The following BCAS3 variants were observed in gnomAD, a reference collection of about 807,000 sequenced individuals.
The protein encoded by BCAS3 is BCAS4/BCAS3 fusion.
A neutral mutation model predicts 116.1 loss-of-function variants in BCAS3; 53 were observed. That is an observed-to-expected ratio of 0.46 (90% CI 0.37 to 0.57). The LOEUF is 0.57. Ranked by LOEUF, BCAS3 falls within the 20% of genes least tolerant of loss-of-function variation. The probability of loss-of-function intolerance (pLI) is 0.00; values close to 1 mark genes in which losing one functional copy is unlikely to be tolerated. For missense variants in BCAS3, 917 were observed against 1,165.4 expected, an observed-to-expected ratio of 0.79 and a Z score of 3.10; for synonymous variants, 391 against 408.2, an observed-to-expected ratio of 0.96 and a Z score of 0.51.
At chr17:60,838,459 A>G (rs1304367077) in intron 7 of BCAS3, among the ~76,000 whole-genome samples, 1 of 151,996 alleles carries the variant, frequency 6.6e-6, no homozygotes, top group Admixed American at 6.6e-5. Context: ...GGCTGATCTC[A>G]TATTTCCCCA....
chr17:61,380,537 C>A lies in BCAS3; in HGVS notation c.2594-11440C>A, dbSNP rs1225182999. 1 of 1,597,978 alleles carries A rather than the reference C, an allele frequency of 6.3e-7. No homozygotes were observed. Among genetic ancestry groups the A allele is most frequent in the Non-Finnish European group, 8.5e-7 (1 of 1,179,546 alleles). On this transcript the variant is annotated intron_variant, in intron 23 of 23. Coordinates refer to ENST00000407086, the MANE Select transcript of BCAS3 (RefSeq NM_017679.5). This position sits in a 1 kb window ranked among gnomAD's most constrained non-coding sequence, Gnocchi z 4.2. ...CCCTTGACGTAGCAGTAAAAACCTT[C>A]CCCCCTGAGAGACACGTGGCAGTGA...
chr17:60,936,218 A>G (rs1008672154), intron 13 of BCAS3, among the ~76,000 whole-genome samples: 8 of 150,450 alleles, frequency 5.3e-5, no homozygotes, highest in Non-Finnish European at 8.8e-5. Flanking sequence ...ATAGTATTCC[A>G]TGGTGTATAT....
chr17:60,833,419 G>C (rs1051676844), intron 7 of BCAS3, among the ~76,000 whole-genome samples: 1 of 152,190 alleles, frequency 6.6e-6, no homozygotes, highest in East Asian at 1.9e-4. Flanking sequence ...GCAGAATGCT[G>C]TGAGTTTTCT....
chr17:61,025,053 A>G (rs2066139651), intron 16 of BCAS3, among the ~76,000 whole-genome samples: 1 of 152,074 alleles, frequency 6.6e-6, no homozygotes, highest in African/African-American at 2.4e-5. Flanking sequence ...ATACTATATG[A>G]CAACGAAAAC....
chr17:60,776,235 T>C (rs2045269530), intron 6 of BCAS3, among the ~76,000 whole-genome samples: 1 of 152,228 alleles, frequency 6.6e-6, no homozygotes, highest in Non-Finnish European at 1.5e-5. Context: ...TCTGTGTGTG[T>C]GTGTATAGAT....
chr17:61,259,638 T>C lies in BCAS3; in HGVS notation c.2426-108689T>C. Reference sequence around the variant, plus strand: ...CTGGTTCTCTTTGTTGTTCTTTTTTTCCCCTTCCATCAACCTACTTTCAAG... The same window carrying C: ...CTGGTTCTCTTTGTTGTTCTTTTTTCCCCCTTCCATCAACCTACTTTCAAG... On this transcript the variant is annotated intron_variant, in intron 22 of 23. Transcript: ENST00000407086. This position sits in a 1 kb window ranked among gnomAD's most constrained non-coding sequence, Gnocchi z 4.7. 6.6e-6 allele frequency among the ~76,000 whole-genome samples: 1 copy of C among 152,302 alleles called. No homozygotes were observed. The highest frequency in any genetic ancestry group is 1.9e-4 in the East Asian group (1 of 5,180).
At chr17:60,752,455 A>G (rs1377187974) in intron 6 of BCAS3, among the ~76,000 whole-genome samples, 3 of 149,524 alleles carry the variant, frequency 2.0e-5, no homozygotes, top group Non-Finnish European at 3.0e-5. Context: ...ACAGAGTCTC[A>G]CTCTGTCGCC....
intron 6 of BCAS3, among the ~76,000 whole-genome samples, chr17:60,757,731 G>C (rs548117502): frequency 3.6e-4 from 54 of 152,032 alleles, no homozygotes; most frequent in Non-Finnish European, 6.6e-4. Context: ...TCTGTTAATT[G>C]TTTCCTTTGC....
Position 61,204,912 on chromosome 17 carries a change from C to T in BCAS3, c.2425+120348C>T, listed in dbSNP as rs1468226362. Among the ~76,000 whole-genome samples the T allele has an allele frequency of 6.6e-6, 1 of 151,976 alleles. No homozygotes were observed. The highest frequency in any genetic ancestry group is 1.5e-5 in the Non-Finnish European group (1 of 67,990). ...ACAAAAAATATAGAAATTAGCCTGGCGTGGCGGCACATACCTGTAGTCCCA... is the reference window on the plus strand; with the variant it reads ...ACAAAAAATATAGAAATTAGCCTGGTGTGGCGGCACATACCTGTAGTCCCA... On this transcript the variant is annotated intron_variant, in intron 22 of 23. Transcript: ENST00000407086. This position sits in a 1 kb window ranked among gnomAD's most constrained non-coding sequence, Gnocchi z 4.2.
At chr17:61,148,321 T>G (rs2077357158) in intron 22 of BCAS3, among the ~76,000 whole-genome samples, 1 of 152,238 alleles carries the variant, frequency 6.6e-6, no homozygotes, top group Admixed American at 6.5e-5. Context: ...AATAGTTACC[T>G]TTTATTGAGT....
In BCAS3 at chr17:60,990,245, T is replaced by C. The variant is rs1266414119; in HGVS notation, c.1486+10T>C. 6.2e-7 allele frequency: 1 copy of C among 1,611,350 alleles called. No individual in the cohort carries two copies. Among genetic ancestry groups the C allele is most frequent in the East Asian group, 2.2e-5 (1 of 44,828 alleles). Reference sequence around the variant, plus strand: ...GGGTCACCCTTGCATGGTAATTTTCTCTGTCTCCACTGTTATCTTGAATCT... The same window carrying C: ...GGGTCACCCTTGCATGGTAATTTTCCCTGTCTCCACTGTTATCTTGAATCT... On this transcript the variant is annotated intron_variant, in intron 15 of 23. Transcript: ENST00000407086. The surrounding 1 kb of genome is among the most constrained non-coding windows in gnomAD (Gnocchi z 5.1).
intron 14 of BCAS3, among the ~76,000 whole-genome samples, chr17:60,972,630 A>T (rs558194903): frequency 3.1e-4 from 47 of 151,738 alleles, no homozygotes; most frequent in African/African-American, 1.1e-3. Flanking sequence ...TTTTATAAAA[A>T]TTTTTTAGAG....
chr17:60,707,730 AT>A (rs2037351876), intron 4 of BCAS3, among the ~76,000 whole-genome samples: 9 of 152,120 alleles, frequency 5.9e-5, no homozygotes, highest in Admixed American at 6.6e-5. Flanking sequence ...ATTTTAGCAA[AT>A]GCTTTTTTAA....
intron 22 of BCAS3, among the ~76,000 whole-genome samples, chr17:61,190,789 G>C (rs981841861): frequency 1.3e-5 from 2 of 151,972 alleles, no homozygotes; most frequent in African/African-American, 4.8e-5. Context: ...TTTTAGTACA[G>C]ATGGGGTTTC....
chr17:61,067,818 A>AT (rs1364475191), intron 19 of BCAS3, among the ~76,000 whole-genome samples: 8 of 151,538 alleles, frequency 5.3e-5, no homozygotes, highest in African/African-American at 1.7e-4. Flanking sequence ...ACCATAAGTG[A>AT]TTTTTTAGCT....
At chr17:60,920,819 G>A (rs2059033485) in intron 12 of BCAS3, among the ~76,000 whole-genome samples, 1 of 151,914 alleles carries the variant, frequency 6.6e-6, no homozygotes, top group Non-Finnish European at 1.5e-5. Context: ...GCAGTGAACC[G>A]AGATCATGCC....
Position 61,248,506 on chromosome 17 carries a change from C to A in BCAS3, c.2426-119821C>A, listed in dbSNP as rs1351961479. ...CAGCCTGGCATGAATTCCCAGAGAG[C>A]CTTGGGCCTTGGGAGGAGGGGTAAT... On this transcript the variant is annotated intron_variant, in intron 22 of 23. Transcript: ENST00000407086. The surrounding 1 kb of genome is among the most constrained non-coding windows in gnomAD (Gnocchi z 4.3). Among the ~76,000 whole-genome samples the A allele has an allele frequency of 6.6e-6, 1 of 152,136 alleles. No homozygotes were observed. The highest frequency in any genetic ancestry group is 6.5e-5 in the Admixed American group (1 of 15,276).
At chr17:60,751,754 G>T (rs2042488241) in intron 6 of BCAS3, among the ~76,000 whole-genome samples, 1 of 152,054 alleles carries the variant, frequency 6.6e-6, no homozygotes, top group Admixed American at 6.6e-5. Context: ...TATTTGTCAG[G>T]CTGGTCTCGA....
Position 61,228,811 on chromosome 17 carries a change from AC to A in BCAS3, c.2426-139515del, listed in dbSNP as rs1338320917. Among the ~76,000 whole-genome samples, 1 of 152,192 alleles carries A rather than the reference AC, an allele frequency of 6.6e-6. No individual in the cohort carries two copies. Among genetic ancestry groups the A allele is most frequent in the East Asian group, 1.9e-4 (1 of 5,194 alleles). Reference sequence around the variant, plus strand: ...TGAAATTGGGCCAATTAATACCCCTACAATGGCCTCTAAGTGTTCAAGTGTA... The same window carrying A: ...TGAAATTGGGCCAATTAATACCCCTAAATGGCCTCTAAGTGTTCAAGTGTA... On this transcript the variant is annotated intron_variant, in intron 22 of 23. Transcript: ENST00000407086. This position sits in a 1 kb window ranked among gnomAD's most constrained non-coding sequence, Gnocchi z 5.0.
Sources: gnomAD v4.1 joint callset for allele counts (sites outside exome capture counted in the v4.1 genomes callset) on GRCh38, gnomAD v4.1.1 for gene constraint, Gnocchi (gnomAD v3.1) non-coding constraint, MANE v1.5 for transcripts, NCBI Gene and HGNC (gene_info 2026-07-23, HGNC 2026-07-21) for gene names.